SYK: variants seen among roughly 807,000 people sequenced by gnomAD.
The protein encoded by SYK is tyrosine-protein kinase SYK.
In SYK, 16 loss-of-function variants were observed where a neutral mutation model predicts 77.8. The observed-to-expected ratio is 0.21, with a 90% CI of 0.14 to 0.31. The LOEUF is 0.31. Ranked by LOEUF, SYK falls within the 10% of genes least tolerant of loss-of-function variation. The pLI is 1.00. For missense variants in SYK, 529 were observed against 814.4 expected, an observed-to-expected ratio of 0.65 and a Z score of 4.26; for synonymous variants, 312 against 308.7, an observed-to-expected ratio of 1.01 and a Z score of -0.11.
At chr9:90,846,937 A>G (rs578059966) in intron 3 of SYK, among the ~76,000 whole-genome samples, 4 of 152,248 alleles carry the variant, frequency 2.6e-5, no homozygotes, top group Non-Finnish European at 5.9e-5. Flanking sequence ...GCATCTTGGC[A>G]TGTGAAGTCA....
intron 1 of SYK, among the ~76,000 whole-genome samples, chr9:90,833,999 C>T (rs1009802465): frequency 6.6e-6 from 1 of 152,184 alleles, no homozygotes; most frequent in African/African-American, 2.4e-5. Context: ...GAATCAAAGC[C>T]TGTAGAATAA....
chr9:90,863,179 G>A (rs141268348), intron 4 of SYK, among the ~76,000 whole-genome samples: 5 of 152,182 alleles, frequency 3.3e-5, no homozygotes, highest in East Asian at 1.9e-4. Context: ...GGAAATAACC[G>A]TAACAGTACT....
intron 1 of SYK, among the ~76,000 whole-genome samples, chr9:90,818,590 C>A (rs1394459903): frequency 1.3e-5 from 2 of 152,194 alleles, no homozygotes; most frequent in African/African-American, 4.8e-5. Flanking sequence ...TGCATAATCT[C>A]ATTTATTAGT....
chr9:90,846,577 C>T (rs1009785512), intron 3 of SYK, among the ~76,000 whole-genome samples: 19 of 151,960 alleles, frequency 1.3e-4, no homozygotes, highest in Admixed American at 8.5e-4. Context: ...GCAGGAGGAT[C>T]GCTTCATCCT....
intron 1 of SYK, among the ~76,000 whole-genome samples, chr9:90,842,614 T>C (rs1311091977): frequency 6.6e-6 from 1 of 151,392 alleles, no homozygotes; most frequent in Non-Finnish European, 1.5e-5. Context: ...GTGTGTTTCG[T>C]GTGTGTGGTA....
intron 1 of SYK, among the ~76,000 whole-genome samples, chr9:90,822,568 G>A (rs576369013): frequency 1.1e-4 from 17 of 152,322 alleles, no homozygotes; most frequent in African/African-American, 2.4e-4. Context: ...AGCAGAGACC[G>A]ATTGTATGGC....
intron 11 of SYK, among the ~76,000 whole-genome samples, chr9:90,881,000 G>T (rs930855513): frequency 6.6e-6 from 1 of 152,196 alleles, no homozygotes; most frequent in African/African-American, 2.4e-5. Context: ...TTACCCAAGA[G>T]GCAGGAAGTG....
intron 1 of SYK, among the ~76,000 whole-genome samples, chr9:90,812,547 G>T (rs896218195): frequency 6.6e-6 from 1 of 152,212 alleles, no homozygotes; most frequent in African/African-American, 2.4e-5. Context: ...ACCCCACCCA[G>T]TGCAGGAGCC....
In SYK at chr9:90,867,180, C is replaced by T; in HGVS notation, c.896C>T (p.Pro299Leu). ...IISRIKSYSF[P>L]KPGHRKSSPA... ...TCAAGAATCAAATCATACTCCTTCC[C>T]AAAGCCTGGCCACAGAAAGGTGCTA... The change falls in exon 7 of 14, where the codon CCA (proline) becomes CTA (leucine). Residue 299 changes from proline (P) to leucine (L), a missense_variant. Physicochemically the swap from Pro to Leu is moderately conservative, Grantham distance 98 (BLOSUM62 -3). Coordinates refer to ENST00000375754, the MANE Select transcript of SYK (RefSeq NM_003177.7). 6.2e-7 allele frequency: 1 copy of T among 1,614,160 alleles called. No individual in the cohort carries two copies.
At chr9:90,810,261 A>G (rs7020331) in intron 1 of SYK, among the ~76,000 whole-genome samples, 35,561 of 152,002 alleles carry the variant, frequency 0.23, 4,216 homozygotes, top group Middle Eastern at 0.36. Flanking sequence ...GGGTGGGACA[A>G]TGTGCCCCCA....
chr9:90,860,335 T>A (rs756003652), intron 3 of SYK, among the ~76,000 whole-genome samples: 1 of 152,266 alleles, frequency 6.6e-6, no homozygotes, highest in Non-Finnish European at 1.5e-5. Flanking sequence ...TATAAGCCAC[T>A]GATATGTATA....
chr9:90,847,076 C>CAT (rs1339547024), intron 3 of SYK, among the ~76,000 whole-genome samples: 7 of 152,220 alleles, frequency 4.6e-5, no homozygotes, highest in African/African-American at 1.7e-4. Context: ...ACAGCAGTTG[C>CAT]ATCCTTCATG....
chr9:90,843,490 G>A (rs572544785), intron 1 of SYK, among the ~76,000 whole-genome samples: 3 of 152,328 alleles, frequency 2.0e-5, no homozygotes, highest in Admixed American at 6.5e-5. Flanking sequence ...TCTGCCTCCT[G>A]TATGCTGCTG....
intron 1 of SYK, among the ~76,000 whole-genome samples, chr9:90,822,059 C>T (rs560570329): frequency 6.6e-6 from 1 of 152,054 alleles, no homozygotes; most frequent in Admixed American, 6.5e-5. Flanking sequence ...AGGCACATAA[C>T]CCCTGAGAAG....
intron 1 of SYK, among the ~76,000 whole-genome samples, chr9:90,820,639 G>A (rs290249): frequency 0.15 from 22,479 of 152,052 alleles, 1,997 homozygotes; most frequent in East Asian, 0.44. Flanking sequence ...CCCAGGCCAC[G>A]AAACCACTTT....
chr9:90,811,150 T>C (rs1165877036), intron 1 of SYK, among the ~76,000 whole-genome samples: 2 of 152,184 alleles, frequency 1.3e-5, no homozygotes, highest in Non-Finnish European at 2.9e-5. Context: ...CATCACAAGA[T>C]TGATAAGCAT....
At chr9:90,837,416 C>T (rs572629536) in intron 1 of SYK, among the ~76,000 whole-genome samples, 2 of 151,922 alleles carry the variant, frequency 1.3e-5, no homozygotes, top group South Asian at 2.1e-4. Flanking sequence ...CAAGGTAGGC[C>T]GAAGCAGCAC....
chr9:90,830,829 C>T (rs1825859986), intron 1 of SYK, among the ~76,000 whole-genome samples: 1 of 152,136 alleles, frequency 6.6e-6, no homozygotes, highest in Non-Finnish European at 1.5e-5. Context: ...TTGTGATCCA[C>T]CCGCCTCAGC....
intron 3 of SYK, among the ~76,000 whole-genome samples, chr9:90,861,176 C>T (rs1408605666): frequency 6.6e-6 from 1 of 152,158 alleles, no homozygotes; most frequent in East Asian, 1.9e-4. Context: ...ACCTCGAACT[C>T]CCCAAGTCCC....
Sources: allele counts gnomAD v4.1 joint callset (sites outside exome capture counted in the v4.1 genomes callset), GRCh38; gene constraint gnomAD v4.1.1; transcripts MANE v1.5; gene names NCBI Gene and HGNC (gene_info 2026-07-23, HGNC 2026-07-21).